PSD3: variants seen among roughly 807,000 people sequenced by gnomAD.
PSD3 encodes pleckstrin and Sec7 domain containing 3, also known as PH and SEC7 domain-containing protein 3.
Under a neutral mutation model 105.5 loss-of-function variants are expected in PSD3, and 49 were observed. The observed-to-expected ratio is 0.46, with a 90% CI of 0.37 to 0.59. The LOEUF (loss-of-function observed/expected upper bound fraction) is 0.59, where lower values mean the gene tolerates loss of function less well. Among genes scored for constraint, PSD3 ranks in the 20% least tolerant of loss-of-function variants. The pLI, the probability that PSD3 is intolerant of heterozygous loss-of-function variation, is 0.00. For missense variants in PSD3, 1,561 were observed against 1,263.8 expected (o/e 1.24, Z -3.57); for synonymous variants, 557 against 457.8 (o/e 1.22, Z -2.77).
intron 2 of PSD3, among the ~76,000 whole-genome samples, chr8:18,873,948 C>T (rs1009280887): frequency 3.9e-5 from 6 of 152,146 alleles, no homozygotes; most frequent in Non-Finnish European, 8.8e-5. Context: ...CCAGTGAGAA[C>T]TGAAAATGGG....
At chr8:18,696,493 T>C (rs781431598) in intron 9 of PSD3, among the ~76,000 whole-genome samples, 1 of 152,226 alleles carries the variant, frequency 6.6e-6, no homozygotes, top group Non-Finnish European at 1.5e-5. Context: ...GTGGCCTGTT[T>C]TACTAAGCAG....
At chr8:18,569,453 A>T (rs1215661326) in intron 14 of PSD3, among the ~76,000 whole-genome samples, 4 of 150,528 alleles carry the variant, frequency 2.7e-5, no homozygotes, top group Non-Finnish European at 5.9e-5. Flanking sequence ...ATTCTTATAC[A>T]CCAACAACAG....
At chr8:18,747,844 G>T (rs981065197) in intron 9 of PSD3, among the ~76,000 whole-genome samples, 11 of 152,018 alleles carry the variant, frequency 7.2e-5, no homozygotes, top group African/African-American at 2.7e-4. Flanking sequence ...AGACACAGAA[G>T]AAGACGAGTT....
In PSD3 at chr8:18,572,307, A is replaced by G. The variant is rs1802193272; in HGVS notation, c.2784+221T>C. Among the ~76,000 whole-genome samples the G allele has an allele frequency of 3.3e-5, 5 of 152,334 alleles. No individual in the cohort carries two copies. In the South Asian group the frequency reaches 1.0e-3, roughly 32 times the overall value. On this transcript the variant is annotated intron_variant, in intron 14 of 15. Transcript: ENST00000327040. ...TAATATAAACCTTAGAAACTGAATCAAAGTACGTGTCCTACTAACTGAGAC... is the reference window on the plus strand; with the variant it reads ...TAATATAAACCTTAGAAACTGAATCGAAGTACGTGTCCTACTAACTGAGAC...
chr8:18,861,436 C>T (rs1301584989), intron 4 of PSD3, among the ~76,000 whole-genome samples: 3 of 152,102 alleles, frequency 2.0e-5, no homozygotes, highest in Non-Finnish European at 4.4e-5. Context: ...AGGGTGACTC[C>T]AAAGTCTCTC....
At chr8:19,009,283 C>T (rs2129475195) in intron 1 of PSD3, among the ~76,000 whole-genome samples, 1 of 152,266 alleles carries the variant, frequency 6.6e-6, no homozygotes, top group East Asian at 1.9e-4. Flanking sequence ...CTCGAATAAT[C>T]TAAATATTAG....
chr8:18,805,898 A>G (rs1285578961), intron 4 of PSD3, among the ~76,000 whole-genome samples: 11 of 152,188 alleles, frequency 7.2e-5, no homozygotes. Context: ...GGCTTACTCC[A>G]TTTTCAAGAA....
intron 11 of PSD3, among the ~76,000 whole-genome samples, chr8:18,617,709 C>T (rs1805798556): frequency 6.6e-6 from 1 of 152,024 alleles, no homozygotes; most frequent in Non-Finnish European, 1.5e-5. Flanking sequence ...CTCATTATGC[C>T]CTCCTCCCTT....
chr8:18,557,818 A>G (rs1171244151), intron 14 of PSD3, among the ~76,000 whole-genome samples: 2 of 152,226 alleles, frequency 1.3e-5, no homozygotes, highest in Non-Finnish European at 2.9e-5. Flanking sequence ...TTTATTTACA[A>G]GTTCTTACTC....
At chr8:18,817,666 G>A (rs1227398606) in intron 4 of PSD3, among the ~76,000 whole-genome samples, 1 of 152,204 alleles carries the variant, frequency 6.6e-6, no homozygotes, top group Admixed American at 6.5e-5. Flanking sequence ...TCATGAATCT[G>A]TATACAAAGC....
rs539212623 is a variant in PSD3 at position 19,001,935 on chromosome 8, C to T, written c.21+11628G>A. ...CTGAATATGTGAAAGCCAGCAACAG[C>T]GCCTTTGAGGCCGACTAACGGTGAC... On this transcript the variant is annotated intron_variant, in intron 1 of 15. Coordinates refer to ENST00000327040, the MANE Select transcript of PSD3 (RefSeq NM_015310.4). The T allele has an allele frequency of 6.1e-5, 11 of 180,730 alleles. No individual in the cohort carries two copies. In the South Asian group the frequency reaches 1.4e-3, roughly 24 times the overall value. 11.2% of individuals were successfully genotyped at this position (180,730 alleles called of 1,614,324 possible).
chr8:18,710,399 G>C (rs887433421), intron 9 of PSD3, among the ~76,000 whole-genome samples: 3 of 152,162 alleles, frequency 2.0e-5, no homozygotes, highest in African/African-American at 4.8e-5. Flanking sequence ...AGGGGGAACA[G>C]AACCAGGTTG....
chr8:19,070,369 C>CAA (rs10561436), intron 1 of PSD3, among the ~76,000 whole-genome samples: 34 of 133,554 alleles, frequency 2.5e-4, no homozygotes, highest in African/African-American at 8.0e-4. Context: ...ATGTCATGTG[C>CAA]AAAAAAAAAA....
At chr8:18,627,767 A>G (rs373724347) in intron 11 of PSD3, among the ~76,000 whole-genome samples, 1 of 151,762 alleles carries the variant, frequency 6.6e-6, no homozygotes, top group Non-Finnish European at 1.5e-5. Context: ...GAAAATTCAC[A>G]ATGTCTGGCA....
chr8:19,064,263 G>C (rs532240761), intron 1 of PSD3, among the ~76,000 whole-genome samples: 2 of 152,300 alleles, frequency 1.3e-5, no homozygotes, highest in East Asian at 1.9e-4. Flanking sequence ...GACACCTTTA[G>C]TGTGTACCTA....
rs751463418 is a variant in PSD3, at chr8:18,603,092, G to A, written c.2411-2658C>T. Among the ~76,000 whole-genome samples the A allele has an allele frequency of 2.0e-5, 3 of 152,106 alleles. 1 individual carries two copies. Among genetic ancestry groups the A allele is most frequent in the Admixed American group, 2.0e-4 (3 of 15,268 alleles). On this transcript the variant is annotated intron_variant, in intron 11 of 15. Coordinates refer to ENST00000327040, the MANE Select transcript of PSD3 (RefSeq NM_015310.4). ...TAGGCTGACATCCTTTAATATCCAGGTATCTTCCGTGAGAAAGTGTTTACT... is the reference window on the plus strand; with the variant it reads ...TAGGCTGACATCCTTTAATATCCAGATATCTTCCGTGAGAAAGTGTTTACT...
intron 1 of PSD3, among the ~76,000 whole-genome samples, chr8:19,079,184 C>T (rs1297330985): frequency 1.3e-5 from 2 of 152,068 alleles, no homozygotes; most frequent in African/African-American, 4.8e-5. Context: ...TAAGGCAAAT[C>T]ACAAGATGAG....
chr8:18,937,508 C>T (rs1563441233), intron 1 of PSD3, among the ~76,000 whole-genome samples: 2 of 152,044 alleles, frequency 1.3e-5, no homozygotes, highest in South Asian at 4.2e-4. Flanking sequence ...CCTCCATCAC[C>T]CCACTGGAGA....
intron 2 of PSD3, among the ~76,000 whole-genome samples, chr8:18,881,052 A>C (rs1270979555): frequency 1.3e-5 from 2 of 152,208 alleles, no homozygotes; most frequent in Non-Finnish European, 2.9e-5. Context: ...AGTCCATTAG[A>C]AGTCATACTT....
Sources: gnomAD v4.1 joint callset for allele counts (sites outside exome capture counted in the v4.1 genomes callset) on GRCh38, gnomAD v4.1.1 for gene constraint, MANE v1.5 for transcripts, NCBI Gene and HGNC (gene_info 2026-07-23, HGNC 2026-07-21) for gene names.